The following HNMT variants were observed in gnomAD, a reference collection of about 807,000 sequenced individuals.
HNMT encodes the protein histamine N-methyltransferase.
In HNMT, 30 loss-of-function variants were observed where a neutral mutation model predicts 32.1. The observed-to-expected ratio is 0.93, with a 90% CI of 0.70 to 1.27. The LOEUF (loss-of-function observed/expected upper bound fraction) is 1.27. Ranked by LOEUF, HNMT falls within the 50% of genes most tolerant of loss-of-function variation. The pLI, the probability that HNMT is intolerant of heterozygous loss-of-function variation, is 0.00. For missense variants in HNMT, 327 were observed against 346.0 expected (o/e 0.95, Z 0.43); for synonymous variants, 125 against 119.0 (o/e 1.05, Z -0.33).
At position 137,998,393 on chromosome 2, in the gene HNMT, C is replaced by T. The variant is rs185673351; in HGVS notation, c.191-2525C>T. ...TTTATTAAAAATGAACAAGTTAGGA[C>T]CAAAAAACGAAAGCAGATGGACACT... On this transcript the variant is annotated intron_variant, in intron 2 of 5. Coordinates refer to ENST00000280097, the MANE Select transcript of HNMT (RefSeq NM_006895.3). 2.3e-4 allele frequency among the ~76,000 whole-genome samples: 35 copies of T among 151,922 alleles called. 1 individual carries two copies. Among genetic ancestry groups the T allele is most frequent in the Non-Finnish European group, 4.6e-4 (31 of 67,954 alleles).
At chr2:138,002,797 T>C in intron 4 of HNMT, 1 of 972,542 alleles carries the variant, frequency 1.0e-6, no homozygotes, top group Non-Finnish European at 1.2e-6. Context: ...TTGAGAATGA[T>C]AGCATCATAA....
intron 2 of HNMT, among the ~76,000 whole-genome samples, chr2:137,979,062 T>C (rs940687529): frequency 1.5e-4 from 21 of 144,186 alleles, no homozygotes; most frequent in Non-Finnish European, 7.5e-5. Flanking sequence ...GTATAATATA[T>C]AGCATAGTTC....
At chr2:137,976,039 G>C (rs1338375162) in intron 2 of HNMT, among the ~76,000 whole-genome samples, 1 of 152,064 alleles carries the variant, frequency 6.6e-6, no homozygotes, top group Admixed American at 6.6e-5. Flanking sequence ...GGCCAACTGG[G>C]GCCGATCACC....
chr2:137,971,197 T>G (rs931096328), intron 2 of HNMT, among the ~76,000 whole-genome samples: 2 of 151,926 alleles, frequency 1.3e-5, no homozygotes, highest in Non-Finnish European at 2.9e-5. Flanking sequence ...TTTTTTTTTT[T>G]GACGGATTCT....
chr2:137,983,825 G>A (rs938272268), intron 2 of HNMT, among the ~76,000 whole-genome samples: 10 of 152,224 alleles, frequency 6.6e-5, no homozygotes, highest in Non-Finnish European at 1.2e-4. Flanking sequence ...GTTGTCTCCA[G>A]TAAAGGAGAA....
intron 4 of HNMT, 43 bp from the exon 5 acceptor site, chr2:138,005,089 C>CA: frequency 9.1e-7 from 1 of 1,102,770 alleles, no homozygotes; most frequent in Non-Finnish European, 1.4e-6. Context: ...ATAAAGACTT[C>CA]AACATACAGA....
intron 5 of HNMT, among the ~76,000 whole-genome samples, chr2:138,008,245 G>A: frequency 6.6e-6 from 1 of 151,830 alleles, no homozygotes; most frequent in Non-Finnish European, 1.5e-5. Context: ...GCGGTATTTG[G>A]TTTTCTGTTT....
chr2:138,009,064 A>T (rs1167817562), intron 5 of HNMT, among the ~76,000 whole-genome samples: 14 of 152,054 alleles, frequency 9.2e-5, no homozygotes, highest in African/African-American at 2.4e-5. Context: ...AGAGAGAAAC[A>T]ACCCCATTAA....
intron 1 of HNMT, among the ~76,000 whole-genome samples, chr2:137,967,890 A>G (rs748436987): frequency 1.3e-5 from 2 of 151,888 alleles, no homozygotes; most frequent in Non-Finnish European, 2.9e-5. Flanking sequence ...GCCTCTTTCC[A>G]TCTCTGTTTC....
At chr2:137,995,904 C>T (rs556494207) in intron 2 of HNMT, among the ~76,000 whole-genome samples, 72 of 151,982 alleles carry the variant, frequency 4.7e-4, no homozygotes, top group Non-Finnish European at 8.1e-4. Flanking sequence ...ATAAACAGAC[C>T]GAAAGACAAA....
chr2:138,015,247 T>C lies in HNMT; in HGVS notation c.*1117T>C, dbSNP rs146541949. 3.9e-5 allele frequency: 6 copies of C among 152,138 alleles called. No individual in the cohort carries two copies. In the East Asian group the frequency reaches 1.2e-3, roughly 29 times the overall value. The allele number at this position is 152,138 out of a possible 1,614,324, so 9.4% of individuals were successfully genotyped here. ...TTGACATAAACAGTACATTTAATAA[T>C]TAATAAATAAATATTTTAAGTATGT... On this transcript the variant is annotated 3_prime_UTR_variant, in exon 6 of 6. Coordinates refer to ENST00000280097, the MANE Select transcript of HNMT (RefSeq NM_006895.3).
chr2:138,004,848 GTGTCTCCAGCTATAAA>G (rs1465255892), intron 4 of HNMT, among the ~76,000 whole-genome samples: 2 of 152,088 alleles, frequency 1.3e-5, no homozygotes, highest in African/African-American at 2.4e-5. Flanking sequence ...TGGTGACTAA[GTGTCTCCAGCTATAAA>G]TGTCTGTGCT....
chr2:137,983,819 T>C (rs928155417), intron 2 of HNMT, among the ~76,000 whole-genome samples: 3 of 152,148 alleles, frequency 2.0e-5, no homozygotes, highest in Non-Finnish European at 4.4e-5. Flanking sequence ...TTTAGAGTTG[T>C]CTCCAGTAAA....
chr2:137,974,656 T>A (rs555255789), intron 2 of HNMT, among the ~76,000 whole-genome samples: 1 of 152,272 alleles, frequency 6.6e-6, no homozygotes, highest in African/African-American at 2.4e-5. Flanking sequence ...TGCCAGAAAG[T>A]TTTTTAAGAG....
intron 2 of HNMT, among the ~76,000 whole-genome samples, chr2:137,972,951 A>G (rs183325620): frequency 8.3e-4 from 126 of 152,344 alleles, no homozygotes; most frequent in African/African-American, 2.9e-3. Flanking sequence ...AAAGGTGCAC[A>G]TGGAAGCTAA....
rs190713596 is a variant in HNMT at position 137,967,168 on chromosome 2, C to T, written c.137+2540C>T. On this transcript the variant is annotated intron_variant, in intron 1 of 5. Transcript: ENST00000280097. Reference sequence around the variant, plus strand: ...GTTCACGCCTGTAATCCTAGCACTTCGGGAGGCTGAGGCGGGAGGATTACT... The same window carrying T: ...GTTCACGCCTGTAATCCTAGCACTTTGGGAGGCTGAGGCGGGAGGATTACT... 3.6e-3 allele frequency: 2,741 copies of T among 768,254 alleles called. 83 individuals carry two copies. In the Admixed American group the frequency reaches 0.045, roughly 13 times the overall value. 47.6% of individuals were successfully genotyped at this position (768,254 alleles called of 1,614,324 possible).
intron 2 of HNMT, among the ~76,000 whole-genome samples, chr2:137,986,717 A>T (rs2104951122): frequency 6.6e-6 from 1 of 152,340 alleles, no homozygotes; most frequent in African/African-American, 2.4e-5. Flanking sequence ...ATTTGAATAA[A>T]TTTTTATAGA....
At chr2:137,987,999 G>A (rs1410372712) in intron 2 of HNMT, among the ~76,000 whole-genome samples, 1 of 152,166 alleles carries the variant, frequency 6.6e-6, no homozygotes, top group Non-Finnish European at 1.5e-5. Context: ...AAGTGAAGAA[G>A]TGAGGGAGAC....
intron 2 of HNMT, among the ~76,000 whole-genome samples, chr2:137,995,938 T>A (rs1332966542): frequency 6.6e-6 from 1 of 152,240 alleles, no homozygotes; most frequent in African/African-American, 2.4e-5. Flanking sequence ...TCTCAATAGA[T>A]GCAGAAAAGG....
Sources: gnomAD v4.1 joint callset for allele counts (sites outside exome capture counted in the v4.1 genomes callset) on GRCh38, gnomAD v4.1.1 for gene constraint, MANE v1.5 for transcripts, NCBI Gene and HGNC (gene_info 2026-07-23, HGNC 2026-07-21) for gene names.